The following DPY19L1 variants were observed in gnomAD, a reference collection of about 807,000 sequenced individuals.
The protein encoded by DPY19L1 is dpy-19 like C-mannosyltransferase 1, also known as protein C-mannosyl-transferase DPY19L1.
In DPY19L1, 35 loss-of-function variants were observed where a neutral mutation model predicts 96.9. The ratio of observed to expected loss-of-function variants is 0.36; its 90% CI spans 0.28 to 0.48. The LOEUF (loss-of-function observed/expected upper bound fraction) is 0.48. Ranked by LOEUF, DPY19L1 falls within the 20% of genes least tolerant of loss-of-function variation. The pLI is 0.99. For synonymous variants in DPY19L1, 205 were observed against 252.6 expected (o/e 0.81, Z 1.79); for missense variants, 521 against 777.9 (o/e 0.67, Z 3.93).
chr7:34,964,873 T>C (rs1387925865), intron 10 of DPY19L1, among the ~76,000 whole-genome samples: 1 of 151,990 alleles, frequency 6.6e-6, no homozygotes. Context: ...AAGATCTGAA[T>C]AGGAATTTAC....
At chr7:34,956,398 A>C (rs1242384009) in intron 11 of DPY19L1, among the ~76,000 whole-genome samples, 1 of 152,220 alleles carries the variant, frequency 6.6e-6, no homozygotes, top group African/African-American at 2.4e-5. Flanking sequence ...GTTGTTGTTG[A>C]AAATATAGCA....
intron 6 of DPY19L1, among the ~76,000 whole-genome samples, chr7:35,008,452 C>A (rs116711113): frequency 1.4e-3 from 209 of 152,286 alleles, no homozygotes; most frequent in Middle Eastern, 6.8e-3. Flanking sequence ...GATGTTGTGC[C>A]TTCTGCCTTT....
intron 16 of DPY19L1, among the ~76,000 whole-genome samples, chr7:34,944,834 A>G (rs775608512): frequency 1.3e-5 from 2 of 152,182 alleles, no homozygotes; most frequent in African/African-American, 4.8e-5. Flanking sequence ...CAGGCCCACT[A>G]TATGTTTTAC....
chr7:34,986,784 C>T (rs1049574369), intron 7 of DPY19L1, among the ~76,000 whole-genome samples: 8 of 151,978 alleles, frequency 5.3e-5, no homozygotes, highest in African/African-American at 1.9e-4. Flanking sequence ...CTTTCATTCA[C>T]TTTAAATTAC....
At chr7:34,970,599 G>C (rs1784705015) in intron 8 of DPY19L1, among the ~76,000 whole-genome samples, 1 of 152,080 alleles carries the variant, frequency 6.6e-6, no homozygotes, top group African/African-American at 2.4e-5. Context: ...TAGTCCAAAA[G>C]TTTGAAAGCC....
chr7:34,964,505 C>T (rs1485698054), intron 10 of DPY19L1, among the ~76,000 whole-genome samples: 1 of 152,114 alleles, frequency 6.6e-6, no homozygotes, highest in Non-Finnish European at 1.5e-5. Context: ...ATCAACATGA[C>T]AGCAAAGTGA....
chr7:34,972,501 C>G (rs986862357), intron 8 of DPY19L1, among the ~76,000 whole-genome samples: 52 of 152,090 alleles, frequency 3.4e-4, no homozygotes, highest in African/African-American at 1.2e-3. Context: ...GAACTAGAGA[C>G]TGATGGGCAG....
chr7:34,936,674 C>T (rs1304308198), intron 21 of DPY19L1, among the ~76,000 whole-genome samples: 3 of 152,264 alleles, frequency 2.0e-5, no homozygotes, highest in Admixed American at 1.3e-4. Context: ...TATTCACAAA[C>T]GCTTAAAACA....
chr7:34,978,777 A>G (rs1300871259), intron 7 of DPY19L1, among the ~76,000 whole-genome samples: 1 of 152,114 alleles, frequency 6.6e-6, no homozygotes, highest in Non-Finnish European at 1.5e-5. Context: ...CATTTTAATT[A>G]CTGATTGAGC....
chr7:34,951,589 A>G (rs1784267156), intron 13 of DPY19L1, among the ~76,000 whole-genome samples: 1 of 152,014 alleles, frequency 6.6e-6, no homozygotes, highest in Non-Finnish European at 1.5e-5. Context: ...AAAAGCATTG[A>G]TCAGAAAATA....
At position 34,959,127 on chromosome 7, in the gene DPY19L1, T is replaced by C. The variant is rs541816495; in HGVS notation, c.1093-1057A>G. ...CATATGAAAAAAAAGCTCATCATAA[T>C]TGGTCATCAGAGAAATGCAAATCAA... On this transcript the variant is annotated intron_variant, in intron 10 of 21. Coordinates refer to ENST00000638088, the MANE Select transcript of DPY19L1 (RefSeq NM_001366673.1). Among the ~76,000 whole-genome samples the C allele has an allele frequency of 7.9e-5, 12 of 152,128 alleles. No homozygotes were observed. The South Asian group carries it at 8.3e-4, about 10-fold the overall frequency.
chr7:35,028,259 C>A (rs1257186543), intron 1 of DPY19L1, among the ~76,000 whole-genome samples: 3 of 152,114 alleles, frequency 2.0e-5, no homozygotes, highest in Non-Finnish European at 4.4e-5. Context: ...AGAGGATGCA[C>A]TAGCACACAG....
At chr7:34,995,354 G>C (rs987483048) in intron 6 of DPY19L1, among the ~76,000 whole-genome samples, 8 of 151,758 alleles carry the variant, frequency 5.3e-5, no homozygotes, top group African/African-American at 1.9e-4. Context: ...CAATATGACT[G>C]TCAGAAAATA....
intron 6 of DPY19L1, among the ~76,000 whole-genome samples, chr7:35,005,854 A>G (rs1479085754): frequency 6.6e-6 from 1 of 151,932 alleles, no homozygotes; most frequent in African/African-American, 2.4e-5. Context: ...TGTGAGAGAG[A>G]AGGTAAGGGA....
intron 1 of DPY19L1, among the ~76,000 whole-genome samples, chr7:35,028,557 T>C (rs1296189493): frequency 1.3e-5 from 2 of 152,166 alleles, no homozygotes; most frequent in African/African-American, 4.8e-5. Flanking sequence ...TCACATAATA[T>C]GAATACAAAT....
chr7:34,984,559 C>A (rs1295036569), intron 7 of DPY19L1, among the ~76,000 whole-genome samples: 1 of 152,184 alleles, frequency 6.6e-6, no homozygotes, highest in Admixed American at 6.6e-5. Flanking sequence ...TTCAAATTTA[C>A]ATCAGCAGAT....
chr7:35,015,014 A>G (rs187598206), intron 3 of DPY19L1, among the ~76,000 whole-genome samples: 2 of 152,240 alleles, frequency 1.3e-5, no homozygotes, highest in East Asian at 3.9e-4. Flanking sequence ...GCCTTCAGAG[A>G]CAAGATGCCC....
At chr7:34,941,041 C>T (rs17792232) in intron 18 of DPY19L1, among the ~76,000 whole-genome samples, 32,806 of 151,904 alleles carry the variant, frequency 0.22, 4,148 homozygotes, top group Non-Finnish European at 0.29. Context: ...TTCTCTTGAT[C>T]TTTCTCCACA....
chr7:34,973,684 AAAATT>A lies in DPY19L1; in HGVS notation c.823-84_823-80del, dbSNP rs1233891211. 9.7e-6 allele frequency: 7 copies of A among 724,518 alleles called. No homozygotes were observed. The African/African-American group carries it at 1.3e-4, about 13-fold the overall frequency. The allele number at this position is 724,518 out of a possible 1,614,324, so 44.9% of individuals were successfully genotyped here. ...CAAGTAAAAATTGCTATTTATAAAT[AAAATT>A]ATTTTTAACAAATAATTTAAACGGT... On this transcript the variant is annotated intron_variant, in intron 7 of 21. Transcript: ENST00000638088.
Sources: gnomAD v4.1 joint callset for allele counts (sites outside exome capture counted in the v4.1 genomes callset) on GRCh38, gnomAD v4.1.1 for gene constraint, MANE v1.5 for transcripts, NCBI Gene and HGNC (gene_info 2026-07-23, HGNC 2026-07-21) for gene names.